The following LRRTM4 variants were observed in gnomAD, a reference collection of about 807,000 sequenced individuals.
LRRTM4 encodes the protein leucine-rich repeat transmembrane neuronal protein 4.
In LRRTM4, 25 loss-of-function variants were observed where a neutral mutation model predicts 47.6. That is an observed-to-expected ratio of 0.53 (90% CI 0.38 to 0.73). The LOEUF (loss-of-function observed/expected upper bound fraction) is 0.73. LRRTM4 is among the 30% of genes least tolerant of loss of function. The pLI is 0.00. For synonymous variants in LRRTM4, 311 were observed against 269.5 expected (o/e 1.15, Z -1.51); for missense variants, 638 against 713.4 (o/e 0.89, Z 1.20).
chr2:76,963,494 T>C (rs866658835), intron 3 of LRRTM4, among the ~76,000 whole-genome samples: 55 of 150,870 alleles, frequency 3.6e-4, no homozygotes, highest in African/African-American at 1.3e-3. Context: ...CAAGAAACCT[T>C]TGAAAAAATA....
intron 3 of LRRTM4, among the ~76,000 whole-genome samples, chr2:77,246,135 C>A (rs186788131): frequency 6.6e-6 from 1 of 152,128 alleles, no homozygotes; most frequent in African/African-American, 2.4e-5. Flanking sequence ...TAGATATAAA[C>A]ATTTGCAAGT....
At chr2:77,020,835 C>G (rs1168587308) in intron 3 of LRRTM4, among the ~76,000 whole-genome samples, 2 of 152,132 alleles carry the variant, frequency 1.3e-5, no homozygotes, top group African/African-American at 4.8e-5. Context: ...GGAACAGAAG[C>G]AGACTAACCA....
chr2:77,396,384 T>C (rs201379610), intron 3 of LRRTM4, among the ~76,000 whole-genome samples: 1 of 151,978 alleles, frequency 6.6e-6, no homozygotes, highest in African/African-American at 2.4e-5. Context: ...CATGTTTTTT[T>C]ATCTCTGCTA....
chr2:76,860,340 A>T (rs914137590), intron 3 of LRRTM4, among the ~76,000 whole-genome samples: 2 of 152,182 alleles, frequency 1.3e-5, no homozygotes, highest in African/African-American at 4.8e-5. Flanking sequence ...TTGATATTCG[A>T]TGATGTCTAA....
At chr2:77,175,552 G>C (rs1245481866) in intron 3 of LRRTM4, among the ~76,000 whole-genome samples, 5 of 152,130 alleles carry the variant, frequency 3.3e-5, no homozygotes, top group African/African-American at 1.2e-4. Flanking sequence ...TCAAGCAGCA[G>C]AGCAAATGCT....
intron 3 of LRRTM4, among the ~76,000 whole-genome samples, chr2:77,348,766 TAAC>T (rs1359359618): frequency 1.5e-4 from 21 of 140,184 alleles, no homozygotes; most frequent in Admixed American, 5.5e-4. Context: ...ACAAAAATAA[TAAC>T]AAATAGAAAA....
chr2:77,238,528 C>T (rs1195417119), intron 3 of LRRTM4, among the ~76,000 whole-genome samples: 1 of 148,852 alleles, frequency 6.7e-6, no homozygotes, highest in Non-Finnish European at 1.5e-5. Flanking sequence ...CCTCTTTCCT[C>T]AAACCACACT....
At chr2:76,918,820 T>G (rs1674338783) in intron 3 of LRRTM4, among the ~76,000 whole-genome samples, 1 of 152,146 alleles carries the variant, frequency 6.6e-6, no homozygotes, top group African/African-American at 2.4e-5. Flanking sequence ...TTAGAAAGAT[T>G]TCCCTCTGTT....
At chr2:77,329,827 G>C (rs1670903838) in intron 3 of LRRTM4, among the ~76,000 whole-genome samples, 1 of 152,120 alleles carries the variant, frequency 6.6e-6, no homozygotes. Flanking sequence ...ATTTGTTTTG[G>C]GTCTTGAAAG....
intron 3 of LRRTM4, among the ~76,000 whole-genome samples, chr2:77,059,996 G>C (rs1679733973): frequency 6.6e-6 from 1 of 152,184 alleles, no homozygotes. Context: ...GGGTAGAGCA[G>C]CAGTTAAGAG....
chr2:77,338,604 T>C (rs1297211083), intron 3 of LRRTM4, among the ~76,000 whole-genome samples: 1 of 151,904 alleles, frequency 6.6e-6, no homozygotes, highest in Non-Finnish European at 1.5e-5. Context: ...AGAAAACAGA[T>C]GTTGATGAGG....
intron 3 of LRRTM4, among the ~76,000 whole-genome samples, chr2:77,073,081 G>C (rs1264618862): frequency 7.2e-5 from 11 of 151,956 alleles, no homozygotes. Flanking sequence ...AGTGGCATCA[G>C]AATCTGCATT....
At chr2:77,197,911 G>C (rs1443458569) in intron 3 of LRRTM4, among the ~76,000 whole-genome samples, 1 of 152,074 alleles carries the variant, frequency 6.6e-6, no homozygotes, top group Non-Finnish European at 1.5e-5. Context: ...ATATCAACCA[G>C]GGGAAAAACT....
chr2:76,853,907 C>T (rs545096041), intron 3 of LRRTM4, among the ~76,000 whole-genome samples: 22 of 152,120 alleles, frequency 1.4e-4, no homozygotes, highest in South Asian at 1.0e-3. Flanking sequence ...ATGTTTGTTG[C>T]CTTTTCCTCC....
chr2:76,979,198 G>A (rs6742031), intron 3 of LRRTM4, among the ~76,000 whole-genome samples: 1 of 152,118 alleles, frequency 6.6e-6, no homozygotes, highest in Non-Finnish European at 1.5e-5. Context: ...GGGACTCCCA[G>A]AAGTGCTTCA....
chr2:77,202,075 T>A, intron 3 of LRRTM4, among the ~76,000 whole-genome samples: 1 of 152,118 alleles, frequency 6.6e-6, no homozygotes, highest in East Asian at 1.9e-4. Context: ...GGCTTGGCAA[T>A]TTTTATAATG....
intron 3 of LRRTM4, among the ~76,000 whole-genome samples, chr2:76,879,877 A>G (rs919861584): frequency 6.6e-6 from 1 of 152,196 alleles, no homozygotes; most frequent in Non-Finnish European, 1.5e-5. Context: ...GGTGACTTTG[A>G]GGGGTTCATC....
At chr2:77,345,163 A>T (rs1671516715) in intron 3 of LRRTM4, among the ~76,000 whole-genome samples, 1 of 151,736 alleles carries the variant, frequency 6.6e-6, no homozygotes, top group African/African-American at 2.4e-5. Flanking sequence ...ATGAACAGAA[A>T]AAAATGAATA....
At chr2:76,848,993 A>G (rs1476754891) in intron 3 of LRRTM4, among the ~76,000 whole-genome samples, 1 of 152,080 alleles carries the variant, frequency 6.6e-6, no homozygotes, top group Non-Finnish European at 1.5e-5. Flanking sequence ...CCATCTGTAC[A>G]TTCCCTGTTA....
Sources: allele counts gnomAD v4.1 joint callset (sites outside exome capture counted in the v4.1 genomes callset), GRCh38; gene constraint gnomAD v4.1.1; transcripts MANE v1.5; gene names NCBI Gene and HGNC (gene_info 2026-07-23, HGNC 2026-07-21).